Variants in PKNOX2 observed in about 807,000 individuals in gnomAD.
PKNOX2 encodes homeobox protein PKNOX2.
PKNOX2 carries 14 observed loss-of-function variants against 53.1 expected under a neutral mutation model. That is an observed-to-expected ratio of 0.26 (90% CI 0.17 to 0.41). The LOEUF (loss-of-function observed/expected upper bound fraction) is 0.41, where lower values mean the gene tolerates loss of function less well. PKNOX2 is among the 10% of genes least tolerant of loss of function. The pLI is 1.00. For missense variants in PKNOX2, 496 were observed against 602.8 expected, an observed-to-expected ratio of 0.82 and a Z score of 1.85; for synonymous variants, 257 against 242.8, an observed-to-expected ratio of 1.06 and a Z score of -0.54.
intron 1 of PKNOX2, among the ~76,000 whole-genome samples, chr11:125,206,959 G>A (rs1939191078): frequency 6.6e-6 from 1 of 151,600 alleles, no homozygotes; most frequent in Non-Finnish European, 1.5e-5. Context: ...TGGGCTGAGG[G>A]GTGGTGCTGT....
At chr11:125,187,223 G>A (rs1426307800) in intron 1 of PKNOX2, among the ~76,000 whole-genome samples, 1 of 151,982 alleles carries the variant, frequency 6.6e-6, no homozygotes, top group Non-Finnish European at 1.5e-5. Context: ...TTGAAGTTGA[G>A]ATTAACTTTT....
intron 2 of PKNOX2, among the ~76,000 whole-genome samples, chr11:125,313,694 A>G (rs1365390457): frequency 6.6e-6 from 1 of 152,146 alleles, no homozygotes; most frequent in African/African-American, 2.4e-5. Context: ...CCTCAAATAT[A>G]TACTGTCTAA....
intron 10 of PKNOX2, among the ~76,000 whole-genome samples, chr11:125,419,883 TAA>T (rs377369369): frequency 4.0e-5 from 4 of 99,458 alleles, no homozygotes; most frequent in Non-Finnish European, 2.1e-5. Flanking sequence ...AAGAAAAAAT[TAA>T]AAAAAAAAAA....
At chr11:125,386,693 T>A (rs1380187209) in intron 6 of PKNOX2, among the ~76,000 whole-genome samples, 2 of 129,582 alleles carry the variant, frequency 1.5e-5, no homozygotes, top group Non-Finnish European at 3.2e-5. Flanking sequence ...GAAAATGTGG[T>A]TCCAGAAAGG....
At chr11:125,283,653 C>T (rs1478167348) in intron 2 of PKNOX2, among the ~76,000 whole-genome samples, 2 of 152,076 alleles carry the variant, frequency 1.3e-5, no homozygotes, top group African/African-American at 4.8e-5. Context: ...CAGAGAGCAG[C>T]GTGATTTGTT....
chr11:125,371,457 G>T (rs1591545956), intron 5 of PKNOX2, among the ~76,000 whole-genome samples: 1 of 152,258 alleles, frequency 6.6e-6, no homozygotes, highest in East Asian at 1.9e-4. Flanking sequence ...GATGTTAGGG[G>T]CTGCCTAAAT....
At chr11:125,202,055 G>C (rs1938504632) in intron 1 of PKNOX2, among the ~76,000 whole-genome samples, 5 of 152,216 alleles carry the variant, frequency 3.3e-5, no homozygotes, top group Admixed American at 3.3e-4. Flanking sequence ...AACACAGAGG[G>C]TCCGTGCGGC....
chr11:125,240,672 T>C lies in PKNOX2; in HGVS notation c.-130+5557T>C, dbSNP rs546116229. Among the ~76,000 whole-genome samples the C allele has an allele frequency of 6.6e-6, 1 of 152,296 alleles. No individual in the cohort carries two copies. Among genetic ancestry groups the C allele is most frequent in the Non-Finnish European group, 1.5e-5 (1 of 68,036 alleles). ...TTCTTTCTCTGTGGTGCCTGTCACT[T>C]CCACCATTACCCATTCTCAGATCCT... On this transcript the variant is annotated intron_variant, in intron 2 of 12. Transcript: ENST00000298282. The surrounding 1 kb of genome is among the most constrained non-coding windows in gnomAD (Gnocchi z 4.3).
intron 3 of PKNOX2, among the ~76,000 whole-genome samples, chr11:125,335,859 G>A (rs73621098): frequency 0.038 from 5,739 of 152,108 alleles, 340 homozygotes; most frequent in African/African-American, 0.13. Flanking sequence ...CATGCATCTT[G>A]CAAAGGGAAG....
rs1042816667 is a variant in PKNOX2, at chr11:125,370,321, C to T, written c.227+2336C>T. ...GAACCATGGGTTCCAAAGCCCTTCTCACAATCCCAGGCTCGTACCCTACCC... is the reference window on the plus strand; with the variant it reads ...GAACCATGGGTTCCAAAGCCCTTCTTACAATCCCAGGCTCGTACCCTACCC... On this transcript the variant is annotated intron_variant, in intron 5 of 12. Transcript: ENST00000298282. The surrounding 1 kb of genome is among the most constrained non-coding windows in gnomAD (Gnocchi z 4.1). Among the ~76,000 whole-genome samples the T allele has an allele frequency of 2.6e-5, 4 of 152,226 alleles. No individual in the cohort carries two copies. The highest frequency in any genetic ancestry group is 2.0e-4 in the Admixed American group (3 of 15,284).
chr11:125,382,559 T>C (rs1953327236), intron 5 of PKNOX2, among the ~76,000 whole-genome samples: 1 of 152,178 alleles, frequency 6.6e-6, no homozygotes, highest in South Asian at 2.1e-4. Context: ...AGGCATCTGT[T>C]GAGAGTAGGG....
intron 1 of PKNOX2, among the ~76,000 whole-genome samples, chr11:125,231,249 T>C (rs557996085): frequency 2.6e-5 from 4 of 152,298 alleles, no homozygotes; most frequent in African/African-American, 9.6e-5. Context: ...CTGGATATGT[T>C]TCATAGATGC....
chr11:125,428,676 G>A (rs1213448701), intron 10 of PKNOX2, among the ~76,000 whole-genome samples: 2 of 152,212 alleles, frequency 1.3e-5, no homozygotes, highest in African/African-American at 4.8e-5. Flanking sequence ...TGCCCTGCCT[G>A]CTGGGGGCGG....
intron 2 of PKNOX2, among the ~76,000 whole-genome samples, chr11:125,298,497 G>A (rs773764159): frequency 7.9e-5 from 12 of 152,184 alleles, no homozygotes; most frequent in Non-Finnish European, 1.6e-4. Context: ...CAAAGCAACA[G>A]CCCTGACTCT....
chr11:125,171,939 C>T (rs1955352198), intron 1 of PKNOX2, among the ~76,000 whole-genome samples: 1 of 152,184 alleles, frequency 6.6e-6, no homozygotes, highest in Non-Finnish European at 1.5e-5. Flanking sequence ...TGGAAAAAGC[C>T]ACCAACCAGG....
At chr11:125,273,415 C>T (rs1228561587) in intron 2 of PKNOX2, among the ~76,000 whole-genome samples, 1 of 152,118 alleles carries the variant, frequency 6.6e-6, no homozygotes, top group Non-Finnish European at 1.5e-5. Flanking sequence ...CAGGAGGAGG[C>T]GGGTCAGAGC....
At chr11:125,359,598 T>C (rs1565505949) in intron 4 of PKNOX2, among the ~76,000 whole-genome samples, 1 of 152,170 alleles carries the variant, frequency 6.6e-6, no homozygotes. Flanking sequence ...AGACTTGATG[T>C]TTACCAAGTG....
intron 2 of PKNOX2, among the ~76,000 whole-genome samples, chr11:125,274,413 A>G (rs1191421499): frequency 1.3e-5 from 2 of 152,180 alleles, no homozygotes; most frequent in African/African-American, 2.4e-5. Flanking sequence ...CGGAGTCCCT[A>G]TATATGAATC....
intron 2 of PKNOX2, among the ~76,000 whole-genome samples, chr11:125,273,653 C>T (rs1945966741): frequency 6.6e-6 from 1 of 152,130 alleles, no homozygotes; most frequent in African/African-American, 2.4e-5. Flanking sequence ...GTTAGGAGGC[C>T]TGGGTTCCAG....
Sources: allele counts gnomAD v4.1 joint callset (sites outside exome capture counted in the v4.1 genomes callset), GRCh38; gene constraint gnomAD v4.1.1; non-coding constraint Gnocchi (gnomAD v3.1); transcripts MANE v1.5; gene names NCBI Gene and HGNC (gene_info 2026-07-23, HGNC 2026-07-21).